The following MROH2B variants were observed in gnomAD, a reference collection of about 807,000 sequenced individuals.
The protein encoded by MROH2B is maestro heat-like repeat-containing protein family member 2B.
In MROH2B, 177 loss-of-function variants were observed where a neutral mutation model predicts 208.6. That is an observed-to-expected ratio of 0.85 (90% CI 0.75 to 0.96). The LOEUF (loss-of-function observed/expected upper bound fraction) is 0.96. MROH2B is among the 40% of genes least tolerant of loss of function. The pLI is 0.00. For missense variants in MROH2B, 2,002 were observed against 1,878.7 expected, an observed-to-expected ratio of 1.07 and a Z score of -1.21; for synonymous variants, 728 against 659.0, an observed-to-expected ratio of 1.10 and a Z score of -1.60.
chr5:41,043,375 C>T (rs1275557354), intron 18 of MROH2B, among the ~76,000 whole-genome samples: 2 of 152,112 alleles, frequency 1.3e-5, no homozygotes, highest in African/African-American at 4.8e-5. Flanking sequence ...GTGTACAATA[C>T]AGAAGTAAAT....
intron 21 of MROH2B, 93 bp from the exon 22 acceptor site, chr5:41,033,957 G>T (rs1742669647): frequency 6.9e-7 from 1 of 1,454,512 alleles, no homozygotes; most frequent in Non-Finnish European, 9.2e-7. Context: ...CAACCTGAAG[G>T]ACAATAGTAA....
At chr5:41,029,094 G>A (rs1196513467) in intron 24 of MROH2B, among the ~76,000 whole-genome samples, 1 of 152,090 alleles carries the variant, frequency 6.6e-6, no homozygotes, top group Non-Finnish European at 1.5e-5. Context: ...CCCACCAACA[G>A]TGTACAAGGG....
In MROH2B at chr5:41,064,500, A is replaced by T. The variant is rs749356632; in HGVS notation, c.432T>A (p.Asp144Glu). ...TMQTMLRLAE[D>E]ERMKGTFCIA... ...TACAGAAAGTCCCCTTCATCCTTTC[A>T]TCCTCGGCCAGCCTGAGCATGGTTT... The change falls in exon 5 of 42, where the codon GAT becomes GAA. Residue 144 changes from aspartate to glutamate, a missense_variant. By Grantham distance (45) the Asp-to-Glu change is conservative. Transcript: ENST00000399564. The T allele has an allele frequency of 6.2e-7, 1 of 1,613,302 alleles. No individual in the cohort carries two copies. Among genetic ancestry groups the T allele is most frequent in the Non-Finnish European group, 8.5e-7 (1 of 1,179,444 alleles).
chr5:41,038,642 G>T, intron 21 of MROH2B, 94 bp downstream of exon 21: 1 of 1,267,760 alleles, frequency 7.9e-7, no homozygotes, highest in Non-Finnish European at 1.1e-6. Flanking sequence ...ACATACCCAA[G>T]TCTGGGAAGG....
At chr5:41,026,146 C>G (rs2150162522) in intron 24 of MROH2B, among the ~76,000 whole-genome samples, 1 of 152,300 alleles carries the variant, frequency 6.6e-6, no homozygotes, top group Middle Eastern at 3.4e-3. Context: ...TGCCTTCTCT[C>G]ACCACTCCTA....
intron 24 of MROH2B, among the ~76,000 whole-genome samples, chr5:41,026,115 A>G (rs1742351236): frequency 6.6e-6 from 1 of 152,162 alleles, no homozygotes; most frequent in Admixed American, 6.5e-5. Flanking sequence ...ATTCCCTTTG[A>G]AAAGTGGCAC....
At position 41,057,784 on chromosome 5, in the gene MROH2B, C is replaced by T. The variant is rs548196586; in HGVS notation, c.756+279G>A. Among the ~76,000 whole-genome samples the T allele has an allele frequency of 3.2e-3, 482 of 151,776 alleles. 2 individuals carry two copies. The highest frequency in any genetic ancestry group is 0.01 in the Middle Eastern group (3 of 294). Reference sequence around the variant, plus strand: ...ATTGGCCAGTCTGGTCTCTCAAACTCCTGACCTCAAGTGATCCACCCGCCT... The same window carrying T: ...ATTGGCCAGTCTGGTCTCTCAAACTTCTGACCTCAAGTGATCCACCCGCCT... On this transcript the variant is annotated intron_variant, in intron 7 of 41. Coordinates refer to ENST00000399564, the MANE Select transcript of MROH2B (RefSeq NM_173489.5).
chr5:41,007,272 G>A (rs1490062219), intron 34 of MROH2B, 42 bp downstream of exon 34: 2 of 1,373,642 alleles, frequency 1.5e-6, no homozygotes, highest in South Asian at 1.9e-5. Context: ...GTTTGTTTTT[G>A]TTTTCTTCTT....
At chr5:41,060,301 A>G (rs1270383774) in intron 6 of MROH2B, among the ~76,000 whole-genome samples, 1 of 151,984 alleles carries the variant, frequency 6.6e-6, no homozygotes, top group Non-Finnish European at 1.5e-5. Context: ...CTCTATTGTT[A>G]ATGTTGATAT....
intron 13 of MROH2B, 150 bp from the exon 14 acceptor site, chr5:41,049,586 A>G (rs1304157320): frequency 1.1e-6 from 1 of 883,082 alleles, no homozygotes; most frequent in East Asian, 2.6e-5. Context: ...CATTAAAGGA[A>G]GCCTCTGCAC....
chr5:41,058,177 C>A lies in MROH2B; in HGVS notation c.642G>T (p.Gly214=). 6.2e-7 allele frequency: 1 copy of A among 1,600,014 alleles called. No homozygotes were observed. The highest frequency in any genetic ancestry group is 1.1e-5 in the South Asian group (1 of 88,526). Residue 214 remains glycine, a synonymous_variant, in exon 7 of 42, where the codon GGG becomes GGT. Transcript: ENST00000399564. Reference sequence around the variant, plus strand: ...GATGCAGCAGCAAGCTCACCGTGGGCCCGTGGGCCTTAACGATGCTCAAAG... The same window carrying A: ...GATGCAGCAGCAAGCTCACCGTGGGACCGTGGGCCTTAACGATGCTCAAAG... ...MQTLSIVKAH[G]PTVSLLLHRE...
At chr5:41,062,392 A>G (rs543197226) in intron 5 of MROH2B, among the ~76,000 whole-genome samples, 1 of 152,282 alleles carries the variant, frequency 6.6e-6, no homozygotes, top group African/African-American at 2.4e-5. Context: ...CTGGGCTCTG[A>G]CAATCTCCCA....
At chr5:41,015,952 G>A in intron 28 of MROH2B, among the ~76,000 whole-genome samples, 1 of 152,238 alleles carries the variant, frequency 6.6e-6, no homozygotes, top group East Asian at 1.9e-4. Flanking sequence ...AACTGTGTAA[G>A]TGATTGTTGA....
chr5:41,038,063 G>C (rs1202642124), intron 21 of MROH2B, among the ~76,000 whole-genome samples: 1 of 152,198 alleles, frequency 6.6e-6, no homozygotes, highest in Non-Finnish European at 1.5e-5. Flanking sequence ...GGTCAGGTTG[G>C]CTGGGATGAA....
At position 41,010,068 on chromosome 5, in the gene MROH2B, G is replaced by T. The variant is rs1178062338; in HGVS notation, c.3147C>A (p.Ile1049=). 1 of 1,612,982 alleles carries T rather than the reference G, an allele frequency of 6.2e-7. No individual in the cohort carries two copies. Among genetic ancestry groups the T allele is most frequent in the Non-Finnish European group, 8.5e-7 (1 of 1,179,528 alleles). Reference sequence around the variant, plus strand: ...GCATGTGATGGTAGATTGTGCCTAAGATCTCCAATAGCTAAAGAGAAAAAA... The same window carrying T: ...GCATGTGATGGTAGATTGTGCCTAATATCTCCAATAGCTAAAGAGAAAAAA... ...GAALEDQLLE[I]LGTIYHHMPV... Residue 1049 remains isoleucine (I), a synonymous_variant, in exon 31 of 42, where the codon ATC becomes ATA. Coordinates refer to ENST00000399564, the MANE Select transcript of MROH2B (RefSeq NM_173489.5).
intron 1 of MROH2B, among the ~76,000 whole-genome samples, chr5:41,070,506 T>C (rs1743954678): frequency 1.3e-5 from 2 of 152,142 alleles, no homozygotes; most frequent in Admixed American, 1.3e-4. Context: ...TACCTGGAAA[T>C]TGGGAGAAAT....
rs1168135759 is a variant in MROH2B, at chr5:41,057,162, T to A, written c.866A>T (p.Glu289Val). 1.9e-6 allele frequency: 3 copies of A among 1,613,980 alleles called. No homozygotes were observed. In the South Asian group the frequency reaches 3.3e-5, roughly 18 times the overall value. ...NLLQQICRAP[E>V]PPVKENEMKA... ...CATTTCATTTTCCTTTACTGGAGGC[T>A]CTGGAGCTCTGCAGATCTGAATGGG... The change falls in exon 9 of 42, where the codon GAG becomes GTG. Residue 289 changes from glutamate (E) to valine (V), a missense_variant. Transcript: ENST00000399564.
intron 24 of MROH2B, among the ~76,000 whole-genome samples, chr5:41,022,836 G>A (rs1431747860): frequency 6.6e-6 from 1 of 152,174 alleles, no homozygotes; most frequent in African/African-American, 2.4e-5. Flanking sequence ...GTACGCCTCT[G>A]AGACGAAGCT....
chr5:41,061,922 C>A (rs546298496), intron 5 of MROH2B, among the ~76,000 whole-genome samples, 198 bp from the exon 6 acceptor site: 40 of 152,338 alleles, frequency 2.6e-4, no homozygotes, highest in Non-Finnish European at 5.1e-4. Context: ...TGAGCCACTA[C>A]TATCCAGAAT....
Sources: allele counts gnomAD v4.1 joint callset (sites outside exome capture counted in the v4.1 genomes callset), GRCh38; gene constraint gnomAD v4.1.1; transcripts MANE v1.5; gene names NCBI Gene and HGNC (gene_info 2026-07-23, HGNC 2026-07-21).